The following CALN1 variants were observed in gnomAD, a reference collection of about 807,000 sequenced individuals.
CALN1 encodes the protein calneuron 1.
Under a neutral mutation model 30.6 loss-of-function variants are expected in CALN1, and 17 were observed. The ratio of observed to expected loss-of-function variants is 0.56; its 90% CI spans 0.38 to 0.83. The LOEUF is 0.83. Ranked by LOEUF, CALN1 falls within the 40% of genes least tolerant of loss-of-function variation. CALN1 has a pLI of 0.00. For synonymous variants in CALN1, 156 were observed against 131.4 expected (o/e 1.19, Z -1.28); for missense variants, 291 against 354.9 (o/e 0.82, Z 1.45).
At chr7:72,088,734 A>G (rs1386042624) in intron 4 of CALN1, among the ~76,000 whole-genome samples, 8 of 148,660 alleles carry the variant, frequency 5.4e-5, no homozygotes, top group Non-Finnish European at 7.4e-5. Flanking sequence ...AAGAAAGAAG[A>G]AGGAAGGAAG....
At chr7:72,168,288 CAT>C (rs1400965878) in intron 3 of CALN1, among the ~76,000 whole-genome samples, 5 of 150,654 alleles carry the variant, frequency 3.3e-5, no homozygotes, top group Admixed American at 1.3e-4. Flanking sequence ...GAAATATTCA[CAT>C]AGACAGTCCA....
At chr7:72,141,894 C>G (rs965553426) in intron 3 of CALN1, among the ~76,000 whole-genome samples, 1 of 152,114 alleles carries the variant, frequency 6.6e-6, no homozygotes, top group African/African-American at 2.4e-5. Context: ...TACAGATGGG[C>G]CCTATGTCAA....
chr7:72,008,688 C>T (rs1295514763), intron 5 of CALN1, among the ~76,000 whole-genome samples: 6 of 145,480 alleles, frequency 4.1e-5, no homozygotes, highest in East Asian at 2.0e-4. Flanking sequence ...GACAGTTTCA[C>T]GCTTTTGCCC....
At chr7:72,217,142 C>T (rs1792885257) in intron 3 of CALN1, among the ~76,000 whole-genome samples, 1 of 152,108 alleles carries the variant, frequency 6.6e-6, no homozygotes, top group African/African-American at 2.4e-5. Context: ...GTCTGCTTCC[C>T]CACGGACCAA....
chr7:72,333,035 CCT>C (rs1205787962), intron 2 of CALN1, among the ~76,000 whole-genome samples: 2 of 152,186 alleles, frequency 1.3e-5, no homozygotes, highest in East Asian at 1.9e-4. Flanking sequence ...TTTGTACCTC[CCT>C]GTCTCAACCT....
At chr7:71,803,969 T>C (rs998546997) in intron 6 of CALN1, among the ~76,000 whole-genome samples, 9 of 145,878 alleles carry the variant, frequency 6.2e-5, no homozygotes, top group South Asian at 4.5e-4. Flanking sequence ...TGTGTGTGTG[T>C]GTGCGTGCAT....
the CALN1 span, among the ~76,000 whole-genome samples, chr7:72,503,405 G>C: frequency 6.6e-6 from 1 of 151,944 alleles, no homozygotes; most frequent in African/African-American, 2.4e-5. Flanking sequence ...TGGTGCTCTC[G>C]GGGGTATTTG....
In CALN1 at chr7:72,381,194, C is replaced by G. The variant is rs146214708; in HGVS notation, c.119+22057G>C. Among the ~76,000 whole-genome samples, 177 of 152,282 alleles carry G rather than the reference C, an allele frequency of 1.2e-3. 1 individual carries two copies. The highest frequency in any genetic ancestry group is 4.0e-3 in the African/African-American group (168 of 41,534). On this transcript the variant is annotated intron_variant, in intron 2 of 6. Transcript: ENST00000395275. The stretch of plus-strand genomic sequence containing the variant: ...TTATGCAGAGCAAAGAATGAAGATG[C>G]AACCTAAGAATTATAGGTGTTCCTT...
chr7:72,174,088 T>A (rs184544868), intron 3 of CALN1, among the ~76,000 whole-genome samples: 1 of 151,184 alleles, frequency 6.6e-6, no homozygotes, highest in Non-Finnish European at 1.5e-5. Flanking sequence ...AGCTAAAAAA[T>A]AAAAGAGGCT....
intron 1 of CALN1, among the ~76,000 whole-genome samples, chr7:72,443,446 C>T (rs1808422412): frequency 6.6e-6 from 1 of 152,168 alleles, no homozygotes; most frequent in Admixed American, 6.5e-5. Context: ...TAGGATCTAA[C>T]CCCTGTCTCC....
At chr7:72,121,904 TATATAA>T (rs912348993) in intron 3 of CALN1, among the ~76,000 whole-genome samples, 7 of 147,430 alleles carry the variant, frequency 4.7e-5, no homozygotes, top group Non-Finnish European at 1.0e-4. Flanking sequence ...ATATATTTTA[TATATAA>T]ATATATATTA....
rs867305821 is a variant in CALN1, at chr7:71,849,452, G to C, written c.502-38960C>G. Among the ~76,000 whole-genome samples, 88 of 56,988 alleles carry C rather than the reference G, an allele frequency of 1.5e-3. 3 individuals carry two copies. The South Asian group carries it at 0.048, about 31-fold the overall frequency. The allele number at this position is 56,988 out of a possible 152,430, so 37.4% of individuals were successfully genotyped here. Reference sequence around the variant, plus strand: ...GATCTTCCTATTTTTTTTTTTTTTTGCCACATGTATTTTAGGATCAATTTA... The same window carrying C: ...GATCTTCCTATTTTTTTTTTTTTTTCCCACATGTATTTTAGGATCAATTTA... On this transcript the variant is annotated intron_variant, in intron 5 of 6. Transcript: ENST00000395275.
intron 3 of CALN1, among the ~76,000 whole-genome samples, chr7:72,225,398 G>A (rs944101856): frequency 6.6e-6 from 1 of 152,140 alleles, no homozygotes; most frequent in Non-Finnish European, 1.5e-5. Flanking sequence ...TCCCTGGCAC[G>A]GGGGAGGGGC....
intron 5 of CALN1, among the ~76,000 whole-genome samples, chr7:71,899,247 G>A (rs901950618): frequency 4.0e-5 from 6 of 151,384 alleles, no homozygotes; most frequent in South Asian, 4.2e-4. Flanking sequence ...GGGTTCAAGC[G>A]ATTCTCCTGC....
intron 5 of CALN1, among the ~76,000 whole-genome samples, chr7:71,977,356 G>A (rs907257558): frequency 1.6e-4 from 25 of 152,152 alleles, no homozygotes; most frequent in Non-Finnish European, 8.8e-5. Context: ...GATCACTTAA[G>A]CCAAGGAGTT....
chr7:72,231,116 G>C lies in CALN1; in HGVS notation c.244+47570C>G, dbSNP rs191185536. Among the ~76,000 whole-genome samples the C allele has an allele frequency of 5.8e-3, 885 of 151,760 alleles. 15 individuals are homozygous for C. Among genetic ancestry groups the C allele is most frequent in the African/African-American group, 0.02 (842 of 41,384 alleles). On this transcript the variant is annotated intron_variant, in intron 3 of 6. Coordinates refer to ENST00000395275, the MANE Select transcript of CALN1 (RefSeq NM_031468.4). The stretch of plus-strand genomic sequence containing the variant: ...TATCAGATCAACTGTTGCAGTACAC[G>C]CTTTTTTTTTTTAATTTTTATTTTA...
chr7:71,981,103 C>T (rs1444052972), intron 5 of CALN1, among the ~76,000 whole-genome samples: 1 of 152,144 alleles, frequency 6.6e-6, no homozygotes, highest in Non-Finnish European at 1.5e-5. Flanking sequence ...CACCGCAGTG[C>T]TATGATATAT....
At chr7:72,107,082 C>A (rs1190814773) in intron 3 of CALN1, among the ~76,000 whole-genome samples, 1 of 152,084 alleles carries the variant, frequency 6.6e-6, no homozygotes, top group Non-Finnish European at 1.5e-5. Context: ...ACCTGAGCAT[C>A]CTCCAACTCT....
At chr7:72,252,716 C>T (rs923115543) in intron 3 of CALN1, among the ~76,000 whole-genome samples, 1 of 152,124 alleles carries the variant, frequency 6.6e-6, no homozygotes, top group African/African-American at 2.4e-5. Flanking sequence ...CTAGCCACCA[C>T]CGTATCTCGT....
Sources: gnomAD v4.1 joint callset for allele counts (sites outside exome capture counted in the v4.1 genomes callset) on GRCh38, gnomAD v4.1.1 for gene constraint, MANE v1.5 for transcripts, NCBI Gene and HGNC (gene_info 2026-07-23, HGNC 2026-07-21) for gene names.